ARFGAP3: variants seen among roughly 807,000 people sequenced by gnomAD.
ARFGAP3 encodes ARF GTPase activating protein 3, also known as ADP-ribosylation factor GTPase-activating protein 3.
In ARFGAP3, 72 loss-of-function variants were observed where a neutral mutation model predicts 75.0. The ratio of observed to expected loss-of-function variants is 0.96; its 90% CI spans 0.79 to 1.17. ARFGAP3 has a LOEUF of 1.17. Ranked by LOEUF, ARFGAP3 falls within the 50% of genes most tolerant of loss-of-function variation. The probability of loss-of-function intolerance (pLI) is 0.00; values close to 1 mark genes in which losing one functional copy is unlikely to be tolerated. For synonymous variants in ARFGAP3, 221 were observed against 217.9 expected, an observed-to-expected ratio of 1.01 and a Z score of -0.13; for missense variants, 620 against 626.6, an observed-to-expected ratio of 0.99 and a Z score of 0.11.
intron 1 of ARFGAP3, 65 bp from the exon 2 acceptor site, chr22:42,847,697 C>T: frequency 5.2e-6 from 8 of 1,553,274 alleles, no homozygotes; most frequent in Non-Finnish European, 4.4e-6. Flanking sequence ...CTGTAAGATA[C>T]AGTAAATGAC....
intron 11 of ARFGAP3, 153 bp from the exon 12 acceptor site, chr22:42,811,097 T>C (rs2146534802): frequency 1.2e-6 from 1 of 833,148 alleles, no homozygotes; most frequent in South Asian, 5.5e-5. Flanking sequence ...AGACACGAGG[T>C]GTGTCATTTC....
chr22:42,844,274 G>C (rs1926911145), intron 2 of ARFGAP3, among the ~76,000 whole-genome samples: 1 of 151,944 alleles, frequency 6.6e-6, no homozygotes, highest in Non-Finnish European at 1.5e-5. Flanking sequence ...TGAGATCATA[G>C]CTCACTGCAG....
intron 2 of ARFGAP3, among the ~76,000 whole-genome samples, chr22:42,842,236 CT>C (rs1226622672): frequency 6.6e-6 from 1 of 151,222 alleles, no homozygotes; most frequent in East Asian, 1.9e-4. Context: ...AACTCCCGAC[CT>C]TAGGTGATCC....
chr22:42,834,344 A>T lies in ARFGAP3; in HGVS notation c.394-19T>A, dbSNP rs1324780478. On this transcript the variant is annotated intron_variant, in intron 4 of 15. Transcript: ENST00000263245. ...GCCACAGCTAGAACAAAAAAACAAC[A>T]CAGGGCTGAGCATTTCATCCGGCCT... The T allele has an allele frequency of 6.2e-7, 1 of 1,612,440 alleles. No individual in the cohort carries two copies. Among genetic ancestry groups the T allele is most frequent in the Non-Finnish European group, 8.5e-7 (1 of 1,179,544 alleles).
chr22:42,824,028 C>CAA (rs1925928578), intron 7 of ARFGAP3, among the ~76,000 whole-genome samples: 1 of 144,540 alleles, frequency 6.9e-6, no homozygotes, highest in African/African-American at 2.5e-5. Context: ...TATATTACAA[C>CAA]AACTTTTTTT....
In ARFGAP3 at chr22:42,838,290, A is replaced by ATTTTT. The variant is rs1555899058; in HGVS notation, c.261+2649_261+2653dup. Among the ~76,000 whole-genome samples the ATTTTT allele has an allele frequency of 8.7e-5, 12 of 137,200 alleles. No homozygotes were observed. The South Asian group carries it at 1.4e-3, about 16-fold the overall frequency. The allele number at this position is 137,200 out of a possible 152,430, so 90.0% of individuals were successfully genotyped here. ...TACACACACACATATATATATATAT[A>ATTTTT]TTTTTTTTTTCTTTTTTTTTTTTCT... is the stretch of plus-strand genomic sequence containing the variant. On this transcript the variant is annotated intron_variant, in intron 3 of 15. Transcript: ENST00000263245.
intron 14 of ARFGAP3, among the ~76,000 whole-genome samples, chr22:42,802,582 C>T (rs1387852612): frequency 1.3e-5 from 2 of 150,788 alleles, no homozygotes; most frequent in Non-Finnish European, 3.0e-5. Flanking sequence ...CGAGAGCCAC[C>T]GCGCCTGGCC....
intron 14 of ARFGAP3, 25 bp from the exon 15 acceptor site, chr22:42,799,185 C>T (rs1403279638): frequency 1.9e-6 from 3 of 1,612,294 alleles, no homozygotes; most frequent in Non-Finnish European, 1.7e-6. Flanking sequence ...CAGACACTGT[C>T]TCATCACTGC....
intron 7 of ARFGAP3, among the ~76,000 whole-genome samples, chr22:42,824,440 T>C (rs993801062): frequency 6.6e-6 from 1 of 152,020 alleles, no homozygotes. Flanking sequence ...CACTGCAGCA[T>C]TGAACTCCTG....
At chr22:42,852,066 AAT>A (rs907562736) in intron 1 of ARFGAP3, among the ~76,000 whole-genome samples, 2 of 151,834 alleles carry the variant, frequency 1.3e-5, no homozygotes, top group Non-Finnish European at 2.9e-5. Context: ...CTCATCTTGA[AAT>A]TCTTTTTTTT....
chr22:42,800,267 C>T lies in ARFGAP3; in HGVS notation c.1412-1107G>A, dbSNP rs372601008. Among the ~76,000 whole-genome samples the T allele has an allele frequency of 2.8e-4, 42 of 152,320 alleles. No homozygotes were observed. In the South Asian group the frequency reaches 7.0e-3, roughly 26 times the overall value. On this transcript the variant is annotated intron_variant, in intron 14 of 15. Coordinates refer to ENST00000263245, the MANE Select transcript of ARFGAP3 (RefSeq NM_014570.5). ...GAAACCCACCAGACGCAGTGGCTCA[C>T]GCCTGTAATCCCAGCACTCTGGGAG...
intron 9 of ARFGAP3, among the ~76,000 whole-genome samples, chr22:42,818,469 C>T (rs1925674803): frequency 6.6e-6 from 1 of 152,124 alleles, no homozygotes; most frequent in African/African-American, 2.4e-5. Context: ...TACCACTCTT[C>T]TATTTAAAAT....
At position 42,822,332 on chromosome 22, in the gene ARFGAP3, T is replaced by C; in HGVS notation, c.750A>G (p.Gln250=). Residue 250 remains glutamine (Q), a synonymous_variant, in exon 9 of 16, where the codon CAA becomes CAG. Transcript: ENST00000263245. The part of the protein sequence containing the change: ...TCFNEIEKQA[Q]AADKMKEQED... ...CCTGCTCCTTCATTTTATCCGCAGC[T>C]TGAGCTTGTTTTTCAATTTCATTAA... 1 of 1,614,192 alleles carries C rather than the reference T, an allele frequency of 6.2e-7. No homozygotes were observed. The highest frequency in any genetic ancestry group is 8.5e-7 in the Non-Finnish European group (1 of 1,180,038).
intron 2 of ARFGAP3, among the ~76,000 whole-genome samples, chr22:42,843,865 A>G (rs1926891479): frequency 6.6e-6 from 1 of 152,194 alleles, no homozygotes; most frequent in African/African-American, 2.4e-5. Context: ...AGGTCAGTTC[A>G]ATCTGGTCCA....
At chr22:42,816,900 C>T (rs1487997673) in intron 11 of ARFGAP3, among the ~76,000 whole-genome samples, 2 of 152,180 alleles carry the variant, frequency 1.3e-5, no homozygotes, top group Non-Finnish European at 2.9e-5. Context: ...ATCTCTCCTA[C>T]CTCTAATTTT....
chr22:42,817,086 CAT>C (rs1925606728), intron 11 of ARFGAP3, 54 bp downstream of exon 11: 1 of 1,197,452 alleles, frequency 8.4e-7, no homozygotes, highest in African/African-American at 1.5e-5. Flanking sequence ...CTAATAAATC[CAT>C]ACTAGTCACT....
rs1555898580 is a variant in ARFGAP3, at chr22:42,832,987, T to TA, written c.477+1254dup. ...GAAACAAGAGGGAAAACTCCGTCTT[T>TA]AAAAAAAAAAAAAAAGAAAGGAAGA... On this transcript the variant is annotated intron_variant, in intron 5 of 15. Coordinates refer to ENST00000263245, the MANE Select transcript of ARFGAP3 (RefSeq NM_014570.5). Among the ~76,000 whole-genome samples, 1,223 of 136,082 alleles carry TA rather than the reference T, an allele frequency of 9.0e-3. 19 individuals carry two copies. Among genetic ancestry groups the TA allele is most frequent in the African/African-American group, 0.03 (1,102 of 36,946 alleles). 89.3% of individuals were successfully genotyped at this position (136,082 alleles called of 152,430 possible).
chr22:42,820,727 A>G (rs9607955), intron 9 of ARFGAP3, among the ~76,000 whole-genome samples: 68,557 of 152,046 alleles, frequency 0.45, 15,970 homozygotes, highest in Non-Finnish European at 0.48. Context: ...CTTTCTGTGT[A>G]GCATGCACCC....
At chr22:42,838,428 G>T (rs1926634911) in intron 3 of ARFGAP3, among the ~76,000 whole-genome samples, 1 of 151,620 alleles carries the variant, frequency 6.6e-6, no homozygotes, top group Non-Finnish European at 1.5e-5. Flanking sequence ...CTCCTGAGTA[G>T]CTGAGGCTAT....
Sources: gnomAD v4.1 joint callset for allele counts (sites outside exome capture counted in the v4.1 genomes callset) on GRCh38, gnomAD v4.1.1 for gene constraint, MANE v1.5 for transcripts, NCBI Gene and HGNC (gene_info 2026-07-23, HGNC 2026-07-21) for gene names.